The following UGT2B7 variants were observed in gnomAD, a reference collection of about 807,000 sequenced individuals.
UGT2B7 encodes the protein UDP-glucuronosyltransferase 2B7.
UGT2B7 carries 51 observed loss-of-function variants against 51.9 expected under a neutral mutation model. That is an observed-to-expected ratio of 0.98 (90% confidence interval 0.78 to 1.24). The LOEUF (loss-of-function observed/expected upper bound fraction) is 1.24. UGT2B7 is among the 50% of genes most tolerant of loss of function. The pLI is 0.00. For missense variants in UGT2B7, 727 were observed against 628.4 expected, an observed-to-expected ratio of 1.16 and a Z score of -1.68; for synonymous variants, 225 against 211.6, an observed-to-expected ratio of 1.06 and a Z score of -0.55.
At chr4:69,077,711 A>G (rs1718746819) in intron 1 of UGT2B7, among the ~76,000 whole-genome samples, 1 of 152,150 alleles carries the variant, frequency 6.6e-6, no homozygotes, top group African/African-American at 2.4e-5. Flanking sequence ...CTTAACATAT[A>G]ATCATGTCAT....
chr4:69,102,524 C>A (rs1719452087), intron 2 of UGT2B7, among the ~76,000 whole-genome samples: 1 of 152,086 alleles, frequency 6.6e-6, no homozygotes, highest in African/African-American at 2.4e-5. Flanking sequence ...ATCTCCCTGA[C>A]AACAATGTAA....
chr4:69,065,375 G>A lies in UGT2B7; in HGVS notation c.-159+13773G>A, dbSNP rs536832210. The stretch of plus-strand genomic sequence containing the variant: ...AGGGGGATCAAATCCTGCCCTTAAG[G>A]TAGACAGAATCTGTCAAGGCTTTAG... On this transcript the variant is annotated intron_variant, in intron 1 of 5. Coordinates refer to the UGT2B7 transcript ENST00000502942. Among the ~76,000 whole-genome samples the A allele has an allele frequency of 2.6e-5, 4 of 152,274 alleles. No individual in the cohort carries two copies. The South Asian group carries it at 8.3e-4, about 32-fold the overall frequency.
chr4:69,098,778 AC>A, intron 2 of UGT2B7, 90 bp downstream of exon 2: 1 of 1,565,100 alleles, frequency 6.4e-7, no homozygotes. Context: ...TTTGACTTAC[AC>A]TGAAAGAAAG....
At chr4:69,079,008 C>T (rs1436054906) in intron 1 of UGT2B7, among the ~76,000 whole-genome samples, 1 of 152,078 alleles carries the variant, frequency 6.6e-6, no homozygotes, top group Non-Finnish European at 1.5e-5. Flanking sequence ...TATTACCTGC[C>T]TGGTTACCAG....
intron 1 of UGT2B7, among the ~76,000 whole-genome samples, chr4:69,075,644 G>A (rs1718686584): frequency 6.6e-6 from 1 of 152,140 alleles, no homozygotes; most frequent in Non-Finnish European, 1.5e-5. Context: ...GAAATACTGT[G>A]TATGAACCAC....
intron 1 of UGT2B7, among the ~76,000 whole-genome samples, chr4:69,080,452 G>A (rs1348753448): frequency 6.6e-6 from 1 of 150,970 alleles, no homozygotes; most frequent in Non-Finnish European, 1.5e-5. Context: ...GGAGACTAAG[G>A]CACAAGAATT....
In UGT2B7 at chr4:69,096,640, G is replaced by C; in HGVS notation, c.120G>C (p.Lys40Asn). 6.2e-7 allele frequency: 1 copy of C among 1,614,004 alleles called. No individual in the cohort carries two copies. The highest frequency in any genetic ancestry group is 8.5e-7 in the Non-Finnish European group (1 of 1,179,914). ...AATACAGCCATTGGATGAATATAAAGACAATCCTGGATGAGCTTATTCAGA... is the reference window on the plus strand; with the variant it reads ...AATACAGCCATTGGATGAATATAAACACAATCCTGGATGAGCTTATTCAGA... Reference protein sequence around the residue: ...AAEYSHWMNIKTILDELIQRG... With the variant: ...AAEYSHWMNINTILDELIQRG... The change falls in exon 1 of 6, where the codon AAG becomes AAC. Residue 40 changes from lysine (K) to asparagine (N), a missense_variant. Coordinates refer to ENST00000305231, the MANE Select transcript of UGT2B7 (RefSeq NM_001074.4).
At chr4:69,108,019 A>G in intron 4 of UGT2B7, 84 bp from the exon 5 acceptor site, 1 of 1,517,854 alleles carries the variant, frequency 6.6e-7, no homozygotes, top group Middle Eastern at 1.9e-4. Flanking sequence ...TTTTAGCTGG[A>G]AAACACTGTC....
At chr4:69,058,794 A>G (rs1718275553) in intron 1 of UGT2B7, among the ~76,000 whole-genome samples, 1 of 152,160 alleles carries the variant, frequency 6.6e-6, no homozygotes, top group Non-Finnish European at 1.5e-5. Context: ...AAGGCTTAAG[A>G]AAAAGGCTGA....
chr4:69,055,540 C>A (rs1036600601), intron 1 of UGT2B7, among the ~76,000 whole-genome samples: 1 of 152,108 alleles, frequency 6.6e-6, no homozygotes, highest in Non-Finnish European at 1.5e-5. Flanking sequence ...TATCCAGAAC[C>A]AGTATTTCAG....
At chr4:69,057,739 A>G (rs1366222958) in intron 1 of UGT2B7, among the ~76,000 whole-genome samples, 1 of 152,228 alleles carries the variant, frequency 6.6e-6, no homozygotes, top group Non-Finnish European at 1.5e-5. Context: ...GAAAATCCTC[A>G]AAACCCACCC....
intron 1 of UGT2B7, among the ~76,000 whole-genome samples, chr4:69,064,036 GAA>G (rs1308564315): frequency 1.3e-5 from 1 of 79,728 alleles, no homozygotes. Flanking sequence ...AAGAAAGAAA[GAA>G]AGAAAGAAAG....
intron 1 of UGT2B7, among the ~76,000 whole-genome samples, chr4:69,056,376 G>A (rs757977623): frequency 2.6e-5 from 4 of 152,204 alleles, no homozygotes; most frequent in Non-Finnish European, 4.4e-5. Flanking sequence ...TGCCCGTCAA[G>A]AGACTCTGAT....
chr4:69,111,847 A>G (rs1214688484), intron 5 of UGT2B7, among the ~76,000 whole-genome samples: 1 of 152,228 alleles, frequency 6.6e-6, no homozygotes, highest in African/African-American at 2.4e-5. Flanking sequence ...CAAACTTTCT[A>G]TGATGACTCA....
At position 69,075,621 on chromosome 4, in the gene UGT2B7, A is replaced by T. The variant is rs183766723; in HGVS notation, c.-158-13851A>T. 6.6e-5 allele frequency among the ~76,000 whole-genome samples: 10 copies of T among 152,298 alleles called. No individual in the cohort carries two copies. In the East Asian group the frequency reaches 1.2e-3, roughly 18 times the overall value. ...ATTACATCCCCAGCCACCATATGAA[A>T]GTATCAGCCTGAGAAATACTGTGTA... is the stretch of plus-strand genomic sequence containing the variant. On this transcript the variant is annotated intron_variant, in intron 1 of 5. Coordinates refer to the UGT2B7 transcript ENST00000502942.
At position 69,096,642 on chromosome 4, in the gene UGT2B7, C is replaced by A; in HGVS notation, c.122C>A (p.Thr41Lys). The A allele has an allele frequency of 6.2e-7, 1 of 1,614,014 alleles. No individual in the cohort carries two copies. ...TACAGCCATTGGATGAATATAAAGA[C>A]AATCCTGGATGAGCTTATTCAGAGA... Reference protein sequence around the residue: ...AEYSHWMNIKTILDELIQRGH... With the variant: ...AEYSHWMNIKKILDELIQRGH... The change falls in exon 1 of 6, where the codon ACA (threonine) becomes AAA (lysine). Residue 41 changes from threonine (T) to lysine (K), a missense_variant. Coordinates refer to ENST00000305231, the MANE Select transcript of UGT2B7 (RefSeq NM_001074.4).
At chr4:69,062,012 A>T (rs533779935) in intron 1 of UGT2B7, among the ~76,000 whole-genome samples, 2 of 152,302 alleles carry the variant, frequency 1.3e-5, no homozygotes, top group Non-Finnish European at 2.9e-5. Flanking sequence ...CTTTGGGTTC[A>T]GATAATGGAC....
intron 1 of UGT2B7, among the ~76,000 whole-genome samples, chr4:69,060,011 A>T (rs1718307939): frequency 2.0e-5 from 3 of 152,052 alleles, no homozygotes; most frequent in Non-Finnish European, 4.4e-5. Flanking sequence ...CTTGGACAAG[A>T]CTCCCACAAG....
At chr4:69,075,934 C>T (rs932712762) in intron 1 of UGT2B7, among the ~76,000 whole-genome samples, 1 of 152,026 alleles carries the variant, frequency 6.6e-6, no homozygotes, top group Admixed American at 6.6e-5. Flanking sequence ...CCCCTAGCCC[C>T]CCTCCCCATA....
Sources: gnomAD v4.1 joint callset for allele counts (sites outside exome capture counted in the v4.1 genomes callset) on GRCh38, gnomAD v4.1.1 for gene constraint, MANE v1.5 for transcripts, NCBI Gene and HGNC (gene_info 2026-07-23, HGNC 2026-07-21) for gene names.